NACC2: variants seen among roughly 807,000 people sequenced by gnomAD.
NACC2 encodes nucleus accumbens-associated protein 2.
A neutral mutation model predicts 25.1 loss-of-function variants in NACC2; 8 were observed. The ratio of observed to expected loss-of-function variants is 0.32; its 90% CI spans 0.19 to 0.57. The LOEUF (loss-of-function observed/expected upper bound fraction) is 0.57. Among genes scored for constraint, NACC2 ranks in the 20% least tolerant of loss-of-function variants. NACC2 has a pLI of 0.89. For missense variants in NACC2, 644 were observed against 650.2 expected, an observed-to-expected ratio of 0.99 and a Z score of 0.10; for synonymous variants, 435 against 294.7, an observed-to-expected ratio of 1.48 and a Z score of -4.88.
chr9:136,013,320 G>T lies in NACC2; in HGVS notation c.1158-24C>A. On this transcript the variant is annotated intron_variant, in intron 4 of 5. Transcript: ENST00000277554. The surrounding 1 kb of genome is among the most constrained non-coding windows in gnomAD (Gnocchi z 6.6). The stretch of plus-strand genomic sequence containing the variant: ...TCCTGGTGGAGGGACCGGAAAGGCA[G>T]GCAGGGTGAGGATGATGGGGAGGGT... The T allele has an allele frequency of 6.2e-7, 1 of 1,603,548 alleles. No homozygotes were observed. Among genetic ancestry groups the T allele is most frequent in the Non-Finnish European group, 8.5e-7 (1 of 1,172,964 alleles).
At chr9:136,014,061 T>TGG in intron 3 of NACC2, 92 bp from the exon 4 acceptor site, 1 of 220,858 alleles carries the variant, frequency 4.5e-6, no homozygotes, top group Non-Finnish European at 9.4e-6. Context: ...GGGGGGGAGG[T>TGG]GGAGGGGGAG....
intron 1 of NACC2, among the ~76,000 whole-genome samples, chr9:136,051,481 G>A (rs1840835352): frequency 1.3e-5 from 2 of 152,202 alleles, no homozygotes; most frequent in African/African-American, 4.8e-5. Context: ...GAGCTGGGGA[G>A]GGCGCCGCTG....
intron 2 of NACC2, among the ~76,000 whole-genome samples, chr9:136,028,582 C>T (rs545141456): frequency 2.0e-5 from 3 of 152,112 alleles, no homozygotes; most frequent in East Asian, 1.9e-4. Flanking sequence ...GTGGGTGAGG[C>T]GTGGCCAGGG....
At chr9:136,029,531 T>G (rs1382752110) in intron 2 of NACC2, among the ~76,000 whole-genome samples, 6 of 152,256 alleles carry the variant, frequency 3.9e-5, no homozygotes, top group Non-Finnish European at 5.9e-5. Context: ...ACATGCCCCT[T>G]GCCCACCACG....
chr9:136,013,164 G>A lies in NACC2; in HGVS notation c.1255+35C>T, dbSNP rs765966407. Reference sequence around the variant, plus strand: ...CAGGCTGGGATCTGAACCCAGCCCCGGCCCCACCCACCCGAGAGACCCCCA... The same window carrying A: ...CAGGCTGGGATCTGAACCCAGCCCCAGCCCCACCCACCCGAGAGACCCCCA... On this transcript the variant is annotated intron_variant, in intron 5 of 5. Transcript: ENST00000277554. The surrounding 1 kb of genome is among the most constrained non-coding windows in gnomAD (Gnocchi z 6.6). 11 of 445,574 alleles carry A rather than the reference G, an allele frequency of 2.5e-5. No individual in the cohort carries two copies. The highest frequency in any genetic ancestry group is 1.5e-4 in the South Asian group (8 of 52,524). 27.6% of individuals were successfully genotyped at this position (445,574 alleles called of 1,614,324 possible).
intron 1 of NACC2, among the ~76,000 whole-genome samples, chr9:136,091,641 C>A (rs1268551781): frequency 2.0e-5 from 3 of 152,208 alleles, no homozygotes; most frequent in South Asian, 2.1e-4. Context: ...AGACCCTATA[C>A]AAGGGTGTGT....
At chr9:136,077,867 G>A (rs926098324) in intron 1 of NACC2, among the ~76,000 whole-genome samples, 4 of 152,348 alleles carry the variant, frequency 2.6e-5, no homozygotes, top group East Asian at 1.9e-4. Flanking sequence ...TGCTTTATAC[G>A]CAAAGGTGTG....
chr9:136,024,161 T>TGTGTGTGTGTGTGTGTGTGGGGACAGA (rs758782409), intron 2 of NACC2, among the ~76,000 whole-genome samples: 1 of 39,538 alleles, frequency 2.5e-5, no homozygotes, highest in Non-Finnish European at 4.5e-5. Context: ...ACAGAGTGTG[T>TGTGTGTGTGTGTGTGTGTGGGGACAGA]GTGTGTGTGT....
At chr9:136,047,202 G>A (rs983329555) in intron 2 of NACC2, among the ~76,000 whole-genome samples, 65 of 152,234 alleles carry the variant, frequency 4.3e-4, no homozygotes, top group African/African-American at 1.5e-3. Flanking sequence ...GACGTTCCCC[G>A]GACGAGCCCG....
At chr9:136,016,169 T>C (rs530502570) in intron 3 of NACC2, 96 bp downstream of exon 3, 167 of 1,351,382 alleles carry the variant, frequency 1.2e-4, no homozygotes, top group Non-Finnish European at 1.7e-4. Flanking sequence ...TTTTGACTGA[T>C]TGGTGATGAG....
intron 2 of NACC2, 65 bp downstream of exon 2, chr9:136,049,571 A>G (rs7864518): frequency 0.31 from 219,355 of 713,324 alleles, 34,852 homozygotes; most frequent in South Asian, 0.42. Flanking sequence ...CTCCTGAGCC[A>G]CCCGGGTCCC....
intron 2 of NACC2, among the ~76,000 whole-genome samples, chr9:136,033,134 C>T (rs1251306924): frequency 6.6e-6 from 1 of 151,932 alleles, no homozygotes; most frequent in East Asian, 1.9e-4. Flanking sequence ...CAAGATCATG[C>T]CATTGCACTC....
Position 136,011,541 on chromosome 9 carries a change from T to C in NACC2, c.1739A>G (p.Glu580Gly), listed in dbSNP as rs781629246. The C allele has an allele frequency of 7.1e-7, 1 of 1,408,948 alleles. No individual in the cohort carries two copies. Among genetic ancestry groups the C allele is most frequent in the Non-Finnish European group, 9.2e-7 (1 of 1,087,758 alleles). The allele number at this position is 1,408,948 out of a possible 1,614,324, so 87.3% of individuals were successfully genotyped here. A position where few individuals can be genotyped will look rare whatever the true frequency, so the allele number is the denominator to read the frequency against. Reference protein sequence around the residue: ...QTPAAAARRPEGTYAGTL With the variant: ...QTPAAAARRPGGTYAGTL ...TTACAAGGTCCCTGCATAGGTGCCC[T>C]CCGGCCTCCGGGCCGCGGCCGCCGG... The change falls in exon 6 of 6, where the codon GAG becomes GGG. Residue 580 changes from glutamate (E) to glycine (G), a missense_variant. By Grantham distance (98) the Glu-to-Gly change is moderately conservative. Coordinates refer to ENST00000277554, the MANE Select transcript of NACC2 (RefSeq NM_144653.5).
chr9:136,051,916 TGGAGGAGGA>T (rs1169257163), intron 1 of NACC2, among the ~76,000 whole-genome samples: 10 of 141,810 alleles, frequency 7.1e-5, no homozygotes, highest in Non-Finnish European at 1.2e-4. Flanking sequence ...GAGGAGATGG[TGGAGGAGGA>T]GGAGGAGGAG....
chr9:136,045,084 G>T (rs1166725279), intron 2 of NACC2, among the ~76,000 whole-genome samples: 2 of 152,224 alleles, frequency 1.3e-5, no homozygotes, highest in Admixed American at 1.3e-4. Flanking sequence ...GTCTGAGGCT[G>T]GATGGGAGGG....
chr9:136,026,138 G>A (rs1199239313), intron 2 of NACC2, among the ~76,000 whole-genome samples: 2 of 151,652 alleles, frequency 1.3e-5, no homozygotes, highest in African/African-American at 2.4e-5. Flanking sequence ...TTAGGAGTTC[G>A]AGACCAGCTT....
chr9:136,011,784 C>G lies in NACC2; in HGVS notation c.1496G>C (p.Arg499Pro), dbSNP rs771699533. ...QVFEQRIYAE[R>P]RGDAATIVAL... The stretch of plus-strand genomic sequence containing the variant: ...CACGATGGTGGCGGCGTCGCCCCGC[C>G]GCTCGGCGTAGATGCGTTGCTCGAA... The change falls in exon 6 of 6, where the codon CGG (arginine) becomes CCG (proline). Residue 499 changes from arginine (R) to proline (P), a missense_variant. Transcript: ENST00000277554. 1.3e-6 allele frequency: 2 copies of G among 1,547,608 alleles called. No homozygotes were observed. The highest frequency in any genetic ancestry group is 1.7e-6 in the Non-Finnish European group (2 of 1,146,458).
chr9:136,013,845 C>A lies in NACC2; in HGVS notation c.1157+19G>T. 2 of 1,606,608 alleles carry A rather than the reference C, an allele frequency of 1.2e-6. No homozygotes were observed. The highest frequency in any genetic ancestry group is 1.7e-6 in the Non-Finnish European group (2 of 1,175,174). On this transcript the variant is annotated intron_variant, in intron 4 of 5. Coordinates refer to ENST00000277554, the MANE Select transcript of NACC2 (RefSeq NM_144653.5). The surrounding 1 kb of genome is among the most constrained non-coding windows in gnomAD (Gnocchi z 6.6). ...TCCGCAGCTCCATTGTGCCCTCCAG[C>A]ACTCCTGCCCCGACCTACCTGTCAA...
chr9:136,045,683 C>T (rs1423369819), intron 2 of NACC2, among the ~76,000 whole-genome samples: 2 of 152,178 alleles, frequency 1.3e-5, no homozygotes, highest in South Asian at 4.1e-4. Context: ...TCGACCTCAG[C>T]GGTCTGCCAT....
Sources: gnomAD v4.1 joint callset for allele counts (sites outside exome capture counted in the v4.1 genomes callset) on GRCh38, gnomAD v4.1.1 for gene constraint, Gnocchi (gnomAD v3.1) non-coding constraint, MANE v1.5 for transcripts, NCBI Gene and HGNC (gene_info 2026-07-23, HGNC 2026-07-21) for gene names.